ABTB3: variants seen among roughly 807,000 people sequenced by gnomAD.
ABTB3 encodes ankyrin repeat- and BTB/POZ domain-containing protein 3.
chr12:107,497,944 A>C, the ABTB3 span, among the ~76,000 whole-genome samples: 1 of 151,842 alleles, frequency 6.6e-6, no homozygotes, highest in Non-Finnish European at 1.5e-5. Flanking sequence ...CTTTTTTCCC[A>C]TGTCAGGAGG....
the ABTB3 span, among the ~76,000 whole-genome samples, chr12:107,330,542 G>A: frequency 6.6e-6 from 1 of 152,226 alleles, no homozygotes; most frequent in African/African-American, 2.4e-5. Context: ...TTCCAAGGGA[G>A]TATCTGGTTT....
the ABTB3 span, among the ~76,000 whole-genome samples, chr12:107,583,130 T>C: frequency 4.6e-5 from 7 of 152,154 alleles, no homozygotes; most frequent in Non-Finnish European, 8.8e-5. Flanking sequence ...AATGTGGAAA[T>C]ATGAATAGCA....
chr12:107,557,552 T>G, the ABTB3 span, among the ~76,000 whole-genome samples: 1 of 152,252 alleles, frequency 6.6e-6, no homozygotes, highest in Non-Finnish European at 1.5e-5. Flanking sequence ...TGGTTGATTC[T>G]ATTTATTATT....
At chr12:107,359,596 G>A in the ABTB3 span, among the ~76,000 whole-genome samples, 132 of 152,278 alleles carry the variant, frequency 8.7e-4, no homozygotes, top group African/African-American at 3.0e-3. Context: ...CAGGCAGCCC[G>A]AGTGTTATTT....
the ABTB3 span, among the ~76,000 whole-genome samples, chr12:107,395,293 C>T: frequency 5.9e-5 from 9 of 151,504 alleles, no homozygotes; most frequent in African/African-American, 2.2e-4. Context: ...AGTACTTCCT[C>T]CTGGCACCAA....
the ABTB3 span, among the ~76,000 whole-genome samples, chr12:107,599,506 A>G: frequency 8.8e-4 from 134 of 152,344 alleles, no homozygotes; most frequent in African/African-American, 3.1e-3. Context: ...ACTGGATACC[A>G]TCCATCTCTG....
chr12:107,650,934 T>C, the ABTB3 span: 7 of 152,180 alleles, frequency 4.6e-5, no homozygotes, highest in Non-Finnish European at 7.3e-5. Flanking sequence ...AAATAAGGAA[T>C]GTACATTTAA....
At chr12:107,389,450 G>A in the ABTB3 span, among the ~76,000 whole-genome samples, 1 of 151,362 alleles carries the variant, frequency 6.6e-6, no homozygotes, top group Non-Finnish European at 1.5e-5. Flanking sequence ...GATAGAGCCG[G>A]ACAGTCTGAC....
the ABTB3 span, among the ~76,000 whole-genome samples, chr12:107,586,407 G>A: frequency 4.6e-5 from 7 of 152,166 alleles, no homozygotes; most frequent in African/African-American, 1.4e-4. Context: ...CTCTCACAGA[G>A]TCAGAAACTT....
At chr12:107,393,761 T>G in the ABTB3 span, among the ~76,000 whole-genome samples, 2 of 151,920 alleles carry the variant, frequency 1.3e-5, no homozygotes, top group East Asian at 3.9e-4. Context: ...AAACCCCAAC[T>G]CTACAAAAAA....
chr12:107,626,895 T>G, the ABTB3 span, among the ~76,000 whole-genome samples: 2 of 152,022 alleles, frequency 1.3e-5, no homozygotes, highest in Non-Finnish European at 2.9e-5. Context: ...GCTCAAGAAG[T>G]CATCTGATTT....
chr12:107,626,499 G>A, the ABTB3 span, among the ~76,000 whole-genome samples: 1 of 151,790 alleles, frequency 6.6e-6, no homozygotes, highest in Non-Finnish European at 1.5e-5. Flanking sequence ...GCACCCACCA[G>A]TATGCCCGGC....
the ABTB3 span, among the ~76,000 whole-genome samples, chr12:107,461,866 G>A: frequency 6.6e-6 from 1 of 152,194 alleles, no homozygotes; most frequent in Admixed American, 6.5e-5. Flanking sequence ...TCCCCTGCTG[G>A]CATGGTTCCA....
At chr12:107,553,610 A>T in the ABTB3 span, among the ~76,000 whole-genome samples, 2 of 150,584 alleles carry the variant, frequency 1.3e-5, no homozygotes, top group African/African-American at 4.8e-5. Flanking sequence ...GAGAGACTTG[A>T]TAAGGTGGCA....
chr12:107,564,088 CTCTGTGTGTG>C, the ABTB3 span, among the ~76,000 whole-genome samples: 10,895 of 138,014 alleles, frequency 0.079, 471 homozygotes, highest in Middle Eastern at 0.11. Context: ...CTATCTATCT[CTCTGTGTGTG>C]TGTGTGTGTG....
the ABTB3 span, among the ~76,000 whole-genome samples, chr12:107,494,751 G>T: frequency 5.3e-5 from 8 of 152,096 alleles, no homozygotes; most frequent in Non-Finnish European, 1.0e-4. Context: ...GGCTTCAGCA[G>T]CTTCCCCAGG....
chr12:107,368,640 C>T, the ABTB3 span, among the ~76,000 whole-genome samples: 3 of 152,178 alleles, frequency 2.0e-5, no homozygotes, highest in Non-Finnish European at 4.4e-5. Flanking sequence ...AGGGTTTATA[C>T]AAACTTGGTT....
chr12:107,626,382 G>A, the ABTB3 span, among the ~76,000 whole-genome samples: 1 of 114,024 alleles, frequency 8.8e-6, no homozygotes, highest in African/African-American at 3.7e-5. Context: ...GTCTCACTCT[G>A]TCACCCAGGC....
At chr12:107,513,771 G>C in the ABTB3 span, among the ~76,000 whole-genome samples, 3 of 152,202 alleles carry the variant, frequency 2.0e-5, no homozygotes, top group African/African-American at 7.2e-5. Flanking sequence ...TATACATCTA[G>C]AAAAGTAGGC....
Sources: allele counts gnomAD v4.1 joint callset (sites outside exome capture counted in the v4.1 genomes callset), GRCh38; gene constraint gnomAD v4.1.1; transcripts MANE v1.5; gene names NCBI Gene and HGNC (gene_info 2026-07-23, HGNC 2026-07-21).